The following IL1R1 variants were observed in gnomAD, a reference collection of about 807,000 sequenced individuals.
The protein encoded by IL1R1 is interleukin 1 receptor type 1.
A neutral mutation model predicts 50.2 loss-of-function variants in IL1R1; 22 were observed. The ratio of observed to expected loss-of-function variants is 0.44; its 90% CI spans 0.31 to 0.63. The LOEUF (loss-of-function observed/expected upper bound fraction) is 0.63, where lower values mean the gene tolerates loss of function less well. IL1R1 is among the 20% of genes least tolerant of loss of function. The probability of loss-of-function intolerance (pLI) is 0.07; values close to 1 mark genes in which losing one functional copy is unlikely to be tolerated. For missense variants in IL1R1, 509 were observed against 676.2 expected, an observed-to-expected ratio of 0.75 and a Z score of 2.74; for synonymous variants, 251 against 236.7, an observed-to-expected ratio of 1.06 and a Z score of -0.55.
chr2:102,161,569 C>A (rs922711486), intron 3 of IL1R1, among the ~76,000 whole-genome samples: 1 of 152,176 alleles, frequency 6.6e-6, no homozygotes, highest in Non-Finnish European at 1.5e-5. Flanking sequence ...ACCAGTTTCT[C>A]TAGTTCTTGC....
At chr2:102,107,471 A>G (rs1391059383) in intron 1 of IL1R1, among the ~76,000 whole-genome samples, 1 of 150,732 alleles carries the variant, frequency 6.6e-6, no homozygotes, top group Admixed American at 6.6e-5. Flanking sequence ...GGTGGGGAAC[A>G]TCACACACCG....
At chr2:102,089,187 A>G (rs147235856) in intron 1 of IL1R1, among the ~76,000 whole-genome samples, 8 of 152,306 alleles carry the variant, frequency 5.3e-5, no homozygotes, top group Admixed American at 2.6e-4. Context: ...GGCTTTCAAC[A>G]TGCCTAAGCT....
intron 1 of IL1R1, among the ~76,000 whole-genome samples, chr2:102,120,117 G>A (rs930688875): frequency 2.6e-5 from 4 of 151,992 alleles, no homozygotes; most frequent in Non-Finnish European, 5.9e-5. Context: ...TGGCCAGATC[G>A]GACCTACAGC....
chr2:102,146,241 A>G (rs186952700), intron 1 of IL1R1, among the ~76,000 whole-genome samples: 7 of 152,302 alleles, frequency 4.6e-5, no homozygotes, highest in Admixed American at 2.6e-4. Context: ...ATGAAAAGTT[A>G]GATGGTGTCA....
intron 1 of IL1R1, among the ~76,000 whole-genome samples, chr2:102,122,022 T>C (rs1012755802): frequency 1.3e-5 from 2 of 152,188 alleles, no homozygotes; most frequent in African/African-American, 4.8e-5. Context: ...TACGTTTGTT[T>C]CATACATTCA....
chr2:102,155,430 T>C lies in IL1R1; in HGVS notation c.-7+1413T>C, dbSNP rs1684094596. 2.0e-5 allele frequency among the ~76,000 whole-genome samples: 3 copies of C among 152,252 alleles called. No homozygotes were observed. The South Asian group carries it at 6.2e-4, about 32-fold the overall frequency. ...GAGCACTATGGAGGCCAGTCAGGCC[T>C]GGCCCTGCCTTGGAATTTCTGTGTT... On this transcript the variant is annotated intron_variant, in intron 2 of 11. Transcript: ENST00000410023.
chr2:102,163,811 A>G (rs1684935914), intron 3 of IL1R1, among the ~76,000 whole-genome samples: 1 of 151,996 alleles, frequency 6.6e-6, no homozygotes, highest in Non-Finnish European at 1.5e-5. Flanking sequence ...TGGGTGCTGG[A>G]TATTTTCGTA....
chr2:102,113,660 C>G (rs1000990785), intron 1 of IL1R1, among the ~76,000 whole-genome samples: 1 of 152,166 alleles, frequency 6.6e-6, no homozygotes, highest in Admixed American at 6.5e-5. Context: ...TTGCCCCGCT[C>G]TAGGCTGATT....
At chr2:102,111,784 T>G (rs1396030465) in intron 1 of IL1R1, among the ~76,000 whole-genome samples, 3 of 152,126 alleles carry the variant, frequency 2.0e-5, no homozygotes, top group African/African-American at 7.2e-5. Flanking sequence ...CCTTCAGGGA[T>G]GGGGTCTCAG....
intron 10 of IL1R1, 106 bp from the exon 11 acceptor site, chr2:102,175,372 A>G: frequency 1.2e-6 from 1 of 850,880 alleles, no homozygotes; most frequent in Non-Finnish European, 1.9e-6. Context: ...GCCATTGTAT[A>G]AAAAAAGATG....
upstream of IL1R1, chr2:102,142,268 G>C (rs888470567): frequency 6.6e-6 from 1 of 152,120 alleles, no homozygotes; most frequent in East Asian, 1.9e-4. Flanking sequence ...TTTCACAGAA[G>C]AGGAAACGGA....
intron 1 of IL1R1, among the ~76,000 whole-genome samples, chr2:102,095,653 G>A (rs79196241): frequency 0.029 from 4,434 of 152,216 alleles, 214 homozygotes; most frequent in African/African-American, 0.099. Context: ...GAACGTCAGT[G>A]TTTCTGTAGT....
intron 1 of IL1R1, among the ~76,000 whole-genome samples, chr2:102,148,878 A>C (rs1005039039): frequency 6.6e-6 from 1 of 152,224 alleles, no homozygotes. Flanking sequence ...ACAGGAGGTC[A>C]AGGCTGCAGT....
chr2:102,150,583 C>G (rs756176252), intron 1 of IL1R1, among the ~76,000 whole-genome samples: 3 of 152,188 alleles, frequency 2.0e-5, no homozygotes, highest in East Asian at 3.8e-4. Context: ...TTACCAAATA[C>G]GTCATGATCA....
At chr2:102,098,080 C>T (rs11685997) in intron 1 of IL1R1, among the ~76,000 whole-genome samples, 41,944 of 151,672 alleles carry the variant, frequency 0.28, 7,028 homozygotes, top group Non-Finnish European at 0.36. Context: ...GACCGTGTTA[C>T]GATTATACCA....
intron 1 of IL1R1, among the ~76,000 whole-genome samples, chr2:102,125,183 A>C: frequency 6.6e-6 from 1 of 152,196 alleles, no homozygotes; most frequent in East Asian, 1.9e-4. Flanking sequence ...TGTTTAGCAC[A>C]TGCTGCCTTT....
chr2:102,172,370 T>A (rs1418674699), intron 8 of IL1R1: 1 of 985,262 alleles, frequency 1.0e-6, no homozygotes, highest in African/African-American at 1.7e-5. Context: ...CACTTTGTCA[T>A]CTGCCCCAAT....
chr2:102,165,125 T>C lies in IL1R1; in HGVS notation c.307T>C (p.Tyr103His). The C allele has an allele frequency of 6.4e-7, 1 of 1,570,992 alleles. No homozygotes were observed. Among genetic ancestry groups the C allele is most frequent in the Non-Finnish European group, 8.6e-7 (1 of 1,162,336 alleles). The change falls in exon 5 of 12, where the codon TAC becomes CAC. Residue 103 changes from tyrosine to histidine, a missense_variant. Tyr to His is a moderately conservative substitution (Grantham distance 83). Coordinates refer to ENST00000410023, the MANE Select transcript of IL1R1 (RefSeq NM_000877.4). ...TTTATTTTATTTTAGAAATTCATCT[T>C]ACTGCCTCAGAATTAAAATAAGTGC... Reference protein sequence around the residue: ...HYYCVVRNSSYCLRIKISAKF... With the variant: ...HYYCVVRNSSHCLRIKISAKF...
chr2:102,085,050 C>G (rs891754833), intron 1 of IL1R1, among the ~76,000 whole-genome samples: 9 of 152,144 alleles, frequency 5.9e-5, no homozygotes, highest in Admixed American at 3.3e-4. Context: ...AGGATCAGTT[C>G]AACCTTTTGT....
Sources: gnomAD v4.1 joint callset for allele counts (sites outside exome capture counted in the v4.1 genomes callset) on GRCh38, gnomAD v4.1.1 for gene constraint, MANE v1.5 for transcripts, NCBI Gene and HGNC (gene_info 2026-07-23, HGNC 2026-07-21) for gene names.